The following TSPAN5 variants were observed in gnomAD, a reference collection of about 807,000 sequenced individuals.
The protein encoded by TSPAN5 is tetraspanin-5.
In TSPAN5, 10 loss-of-function variants were observed where a neutral mutation model predicts 37.1. That is an observed-to-expected ratio of 0.27 (90% confidence interval 0.17 to 0.46). TSPAN5 has a LOEUF of 0.46. TSPAN5 is among the 20% of genes least tolerant of loss of function. The pLI is 1.00. For synonymous variants in TSPAN5, 110 were observed against 118.9 expected (o/e 0.93, Z 0.48); for missense variants, 195 against 326.6 (o/e 0.60, Z 3.11).
In TSPAN5 at chr4:98,658,274, T is replaced by G. The variant is rs1341735458; in HGVS notation, c.-48A>C. ...TGCCCCGGCAGCCCGAGTTTGGAGC[T>G]CCGAAGCACCGTTGCTCGGAGCAGC... On this transcript the variant is annotated 5_prime_UTR_variant, in exon 1 of 8. Transcript: ENST00000305798. 1.3e-6 allele frequency: 2 copies of G among 1,494,844 alleles called. No homozygotes were observed. Among genetic ancestry groups the G allele is most frequent in the East Asian group, 4.5e-5 (2 of 44,268 alleles). 92.6% of individuals were successfully genotyped at this position (1,494,844 alleles called of 1,614,324 possible).
At chr4:98,515,877 C>G (rs1753717670) in intron 1 of TSPAN5, among the ~76,000 whole-genome samples, 1 of 152,194 alleles carries the variant, frequency 6.6e-6, no homozygotes, top group Non-Finnish European at 1.5e-5. Flanking sequence ...CAACCTAGTT[C>G]ATGAATTCTG....
At chr4:98,598,794 T>C (rs1755817425) in intron 1 of TSPAN5, among the ~76,000 whole-genome samples, 1 of 152,108 alleles carries the variant, frequency 6.6e-6, no homozygotes, top group African/African-American at 2.4e-5. Flanking sequence ...TGTGCCTTAG[T>C]TTCAGGTATT....
intron 1 of TSPAN5, among the ~76,000 whole-genome samples, chr4:98,525,918 A>G (rs1371002318): frequency 6.6e-6 from 1 of 152,246 alleles, no homozygotes; most frequent in East Asian, 1.9e-4. Flanking sequence ...AGATATAAGT[A>G]TTCCATTCTT....
intron 1 of TSPAN5, among the ~76,000 whole-genome samples, chr4:98,618,653 A>G (rs1194061871): frequency 6.6e-6 from 1 of 152,220 alleles, no homozygotes; most frequent in African/African-American, 2.4e-5. Context: ...GGCAGAGTCA[A>G]GGTTCAAACC....
chr4:98,517,424 G>T (rs951907469), intron 1 of TSPAN5, among the ~76,000 whole-genome samples: 1 of 152,126 alleles, frequency 6.6e-6, no homozygotes, highest in East Asian at 1.9e-4. Flanking sequence ...TGAGGCAGGG[G>T]AGGAGGTCTA....
At chr4:98,609,115 C>CA (rs111450514) in intron 1 of TSPAN5, among the ~76,000 whole-genome samples, 4,230 of 151,004 alleles carry the variant, frequency 0.028, 88 homozygotes, top group African/African-American at 0.06. Flanking sequence ...GGAATGGATG[C>CA]AAAAAAAATG....
intron 1 of TSPAN5, among the ~76,000 whole-genome samples, chr4:98,575,766 C>G (rs1755219664): frequency 1.2e-5 from 1 of 80,430 alleles, no homozygotes; most frequent in African/African-American, 6.7e-5. Context: ...GCGCCCCCCA[C>G]CCCACAAAAA....
intron 7 of TSPAN5, among the ~76,000 whole-genome samples, chr4:98,474,793 C>T (rs572918956): frequency 6.6e-6 from 1 of 152,282 alleles, no homozygotes; most frequent in South Asian, 2.1e-4. Context: ...CCCACTTCAG[C>T]CTGCTGAGTA....
At chr4:98,592,675 G>A (rs1755676372) in intron 1 of TSPAN5, among the ~76,000 whole-genome samples, 1 of 146,284 alleles carries the variant, frequency 6.8e-6, no homozygotes, top group East Asian at 2.0e-4. Flanking sequence ...CTATGAGTGA[G>A]AATATGCGGT....
At chr4:98,587,782 A>G (rs1755529545) in intron 1 of TSPAN5, among the ~76,000 whole-genome samples, 1 of 152,090 alleles carries the variant, frequency 6.6e-6, no homozygotes, top group South Asian at 2.1e-4. Flanking sequence ...CCAGCTTCTC[A>G]GGAGGCTGGG....
intron 1 of TSPAN5, among the ~76,000 whole-genome samples, chr4:98,566,233 A>G (rs942736441): frequency 8.5e-5 from 13 of 152,170 alleles, no homozygotes; most frequent in Middle Eastern, 3.4e-3. Flanking sequence ...AACAGAGCCC[A>G]AGCAGAACAA....
intron 3 of TSPAN5, chr4:98,485,590 T>A (rs1752942122): frequency 6.6e-6 from 1 of 151,910 alleles, no homozygotes; most frequent in Admixed American, 6.6e-5. Context: ...TTAAATAGCC[T>A]CCAAAAACTT....
intron 1 of TSPAN5, among the ~76,000 whole-genome samples, chr4:98,539,008 T>A (rs1754299546): frequency 6.6e-6 from 1 of 152,148 alleles, no homozygotes; most frequent in African/African-American, 2.4e-5. Context: ...TACCCACAAG[T>A]TTCCTCTGTT....
intron 1 of TSPAN5, among the ~76,000 whole-genome samples, chr4:98,558,604 G>C (rs1754806490): frequency 6.6e-6 from 1 of 152,182 alleles, no homozygotes; most frequent in Non-Finnish European, 1.5e-5. Flanking sequence ...CATATGTAGA[G>C]TTCCAAAGTG....
chr4:98,626,956 CA>C (rs1756617480), intron 1 of TSPAN5, among the ~76,000 whole-genome samples: 2 of 125,312 alleles, frequency 1.6e-5, no homozygotes, highest in African/African-American at 6.1e-5. Flanking sequence ...TAATAGACAT[CA>C]AAAAATATTT....
At chr4:98,621,541 T>G (rs908236204) in intron 1 of TSPAN5, among the ~76,000 whole-genome samples, 2 of 151,944 alleles carry the variant, frequency 1.3e-5, no homozygotes, top group African/African-American at 4.8e-5. Flanking sequence ...CTAATTTTTT[T>G]GTATTTTTAG....
At chr4:98,610,267 T>C (rs2110233304) in intron 1 of TSPAN5, among the ~76,000 whole-genome samples, 1 of 152,282 alleles carries the variant, frequency 6.6e-6, no homozygotes, top group African/African-American at 2.4e-5. Context: ...TCAAGCCCTT[T>C]TATAATCAGC....
At position 98,657,961 on chromosome 4, in the gene TSPAN5, C is replaced by G. The variant is rs555018675; in HGVS notation, c.81+185G>C. 4.6e-5 allele frequency among the ~76,000 whole-genome samples: 7 copies of G among 152,352 alleles called. No individual in the cohort carries two copies. The East Asian group carries it at 1.4e-3, about 29-fold the overall frequency. ...ATTTCTCTTTTCACCTCTTCCCATTCCTCGAAAGGATTAAATGTTTATCTC... is the reference window on the plus strand; with the variant it reads ...ATTTCTCTTTTCACCTCTTCCCATTGCTCGAAAGGATTAAATGTTTATCTC... On this transcript the variant is annotated intron_variant, in intron 1 of 7. Coordinates refer to ENST00000305798, the MANE Select transcript of TSPAN5 (RefSeq NM_005723.4).
At chr4:98,513,126 G>C (rs919335832) in intron 1 of TSPAN5, among the ~76,000 whole-genome samples, 1 of 152,206 alleles carries the variant, frequency 6.6e-6, no homozygotes, top group Admixed American at 6.5e-5. Context: ...CCAGTAGAGA[G>C]AGAAGCATGA....
Sources: gnomAD v4.1 joint callset for allele counts (sites outside exome capture counted in the v4.1 genomes callset) on GRCh38, gnomAD v4.1.1 for gene constraint, MANE v1.5 for transcripts, NCBI Gene and HGNC (gene_info 2026-07-23, HGNC 2026-07-21) for gene names.